CLCN7: variants seen among roughly 807,000 people sequenced by gnomAD.
CLCN7 encodes the protein H(+)/Cl(-) exchange transporter 7.
CLCN7 carries 60 observed loss-of-function variants against 102.1 expected under a neutral mutation model. The ratio of observed to expected loss-of-function variants is 0.59; its 90% CI spans 0.48 to 0.73. The LOEUF is 0.73. Ranked by LOEUF, CLCN7 falls within the 30% of genes least tolerant of loss-of-function variation. The pLI, the probability that CLCN7 is intolerant of heterozygous loss-of-function variation, is 0.00. For synonymous variants in CLCN7, 560 were observed against 490.5 expected (o/e 1.14, Z -1.87); for missense variants, 962 against 1,125.7 (o/e 0.85, Z 2.08).
Position 1,446,502 on chromosome 16 carries a change from C to A in CLCN7, c.*129G>T. 1 of 867,452 alleles carries A rather than the reference C, an allele frequency of 1.2e-6. No individual in the cohort carries two copies. Among genetic ancestry groups the A allele is most frequent in the Non-Finnish European group, 1.9e-6 (1 of 531,888 alleles). 53.7% of individuals were successfully genotyped at this position (867,452 alleles called of 1,614,324 possible). A position where few individuals can be genotyped will look rare whatever the true frequency, so the allele number is the denominator to read the frequency against. ...GTTCCGCGCCTGCCGCCTGCCCGCC[C>A]AGCTGCAGGGTGCTCGCCATTGCCA... On this transcript the variant is annotated 3_prime_UTR_variant, in exon 25 of 25. Transcript: ENST00000382745.
In CLCN7 at chr16:1,457,749, A is replaced by G. The variant is rs753953914; in HGVS notation, c.683T>C (p.Val228Ala). The G allele has an allele frequency of 1.9e-6, 3 of 1,613,884 alleles. No individual in the cohort carries two copies. The South Asian group carries it at 3.3e-5, about 18-fold the overall frequency. ...IPHVVRLKTL[V>A]IKVSGVILSV... ...CAGGATCACACCGGACACTTTGATCACCAACGTCTGAAACACAGGGAGACG... is the reference window on the plus strand; with the variant it reads ...CAGGATCACACCGGACACTTTGATCGCCAACGTCTGAAACACAGGGAGACG... The change falls in exon 8 of 25, where the codon GTG becomes GCG. Residue 228 changes from valine to alanine, a missense_variant. Val to Ala is a moderately conservative substitution (Grantham distance 64, BLOSUM62 0). Coordinates refer to ENST00000382745, the MANE Select transcript of CLCN7 (RefSeq NM_001287.6). This position sits in a 1 kb window ranked among gnomAD's most constrained non-coding sequence, Gnocchi z 5.4.
chr16:1,471,707 A>C (rs1296937626), intron 1 of CLCN7: 1 of 152,306 alleles, frequency 6.6e-6, no homozygotes, highest in African/African-American at 2.4e-5. Flanking sequence ...AAAACTGGGC[A>C]ACAGGGAGGC....
At chr16:1,458,758 G>T (rs555785607) in intron 7 of CLCN7, among the ~76,000 whole-genome samples, 1 of 152,216 alleles carries the variant, frequency 6.6e-6, no homozygotes, top group African/African-American at 2.4e-5. Flanking sequence ...AACTGAAAGC[G>T]GGAAACTGCT....
At chr16:1,456,472 A>C (rs2038837067) in intron 9 of CLCN7, among the ~76,000 whole-genome samples, 1 of 152,046 alleles carries the variant, frequency 6.6e-6, no homozygotes, top group Non-Finnish European at 1.5e-5. Flanking sequence ...AAAAACCTCT[A>C]CCCTCTAACG....
intron 1 of CLCN7, among the ~76,000 whole-genome samples, chr16:1,472,236 G>GT (rs1170349301): frequency 2.0e-5 from 3 of 152,176 alleles, no homozygotes; most frequent in Non-Finnish European, 4.4e-5. Flanking sequence ...TAAGGGAATA[G>GT]TTTTTTTATT....
At chr16:1,450,830 TG>T (rs2038737013) in intron 16 of CLCN7, among the ~76,000 whole-genome samples, 164 bp from the exon 17 acceptor site, 1 of 149,704 alleles carries the variant, frequency 6.7e-6, no homozygotes, top group Admixed American at 6.6e-5. Context: ...TCAGCCTCCC[TG>T]GGAAGCAGAA....
rs143293489 is a variant in CLCN7 at position 1,452,656 on chromosome 16, C to T, written c.1353+99G>A. 3.5e-3 allele frequency: 4,632 copies of T among 1,306,444 alleles called. 23 individuals carry two copies. The highest frequency in any genetic ancestry group is 5.1e-3 in the South Asian group (384 of 74,924). 80.9% of individuals were successfully genotyped at this position (1,306,444 alleles called of 1,614,324 possible). ...CAGCCCATGCGCTTCTGGAACTCGG[C>T]GGGGTGGGCAGCCCTCCTCCCGTAG... On this transcript the variant is annotated intron_variant, in intron 15 of 24. Coordinates refer to ENST00000382745, the MANE Select transcript of CLCN7 (RefSeq NM_001287.6).
Position 1,457,288 on chromosome 16 carries a change from TGA to T in CLCN7, c.786_787del (p.Gln263GlyfsTer101). ...TCGTTTCAGTGACGTTGACCTTCCCTGAGAGATCCCGGCGGCAATCACTGAAC... is the reference window on the plus strand; with the variant it reads ...TCGTTTCAGTGACGTTGACCTTCCCTGAGATCCCGGCGGCAATCACTGAAC... On this transcript the variant is annotated frameshift_variant, in exon 9 of 25. Transcript: ENST00000382745. LOFTEE classifies it high-confidence loss of function. The surrounding 1 kb of genome is among the most constrained non-coding windows in gnomAD (Gnocchi z 5.4). 6.2e-7 allele frequency: 1 copy of T among 1,614,058 alleles called. No homozygotes were observed. The highest frequency in any genetic ancestry group is 8.5e-7 in the Non-Finnish European group (1 of 1,180,028).
At chr16:1,449,219 T>A in intron 18 of CLCN7, 57 bp downstream of exon 18, 1 of 1,568,884 alleles carries the variant, frequency 6.4e-7, no homozygotes, top group South Asian at 1.2e-5. Flanking sequence ...AGGACAGCCA[T>A]GGCCCCCTCC....
At chr16:1,446,902 G>T in intron 24 of CLCN7, 104 bp downstream of exon 24, 2 of 1,216,924 alleles carry the variant, frequency 1.6e-6, no homozygotes, top group Non-Finnish European at 2.4e-6. Context: ...TCGGTGCTGG[G>T]TCCTGTGCTT....
At chr16:1,450,197 C>T in intron 17 of CLCN7, 2 of 456,386 alleles carry the variant, frequency 4.4e-6, no homozygotes, top group Non-Finnish European at 8.2e-6. Flanking sequence ...AACAGCTCTG[C>T]AGCAGCCCAC....
In CLCN7 at chr16:1,457,787, T is replaced by C. The variant is rs762605740; in HGVS notation, c.676-31A>G. On this transcript the variant is annotated intron_variant, in intron 7 of 24. Transcript: ENST00000382745. This position sits in a 1 kb window ranked among gnomAD's most constrained non-coding sequence, Gnocchi z 5.4. ...ACACAGGGAGACGCATGGCCTCTGA[T>C]GAAAAGGCAGGCGCTGTCTTTGGAC... 1.9e-6 allele frequency: 3 copies of C among 1,605,078 alleles called. No individual in the cohort carries two copies. The highest frequency in any genetic ancestry group is 2.6e-6 in the Non-Finnish European group (3 of 1,172,442).
In CLCN7 at chr16:1,460,517, C is replaced by G; in HGVS notation, c.495G>C (p.Lys165Asn). Reference protein sequence around the residue: ...KYRVIKGNIDKFTEKGGLSFS... With the variant: ...KYRVIKGNIDNFTEKGGLSFS... ...AGGACAGTCCGCCCTTCTCTGTGAA[C>G]TTGTCGATATCTGGGGCTCATCAAG... is the stretch of plus-strand genomic sequence containing the variant. The change falls in exon 6 of 25, where the codon AAG (lysine) becomes AAC (asparagine). Residue 165 changes from lysine to asparagine, a missense_variant. This residue lies in a region of CLCN7 where 799 missense variants were observed against 988.0 expected (regional missense o/e 0.81). Transcript: ENST00000382745. 1.2e-6 allele frequency: 2 copies of G among 1,613,192 alleles called. No individual in the cohort carries two copies. The highest frequency in any genetic ancestry group is 2.7e-5 in the African/African-American group (2 of 75,042).
intron 13 of CLCN7, 117 bp from the exon 14 acceptor site, chr16:1,454,011 G>A: frequency 4.3e-6 from 4 of 940,622 alleles, no homozygotes; most frequent in Non-Finnish European, 6.8e-6. Flanking sequence ...GGACGGCAGG[G>A]GGCTAGGGGG....
chr16:1,470,093 G>A (rs1156237655), intron 1 of CLCN7, among the ~76,000 whole-genome samples: 4 of 152,248 alleles, frequency 2.6e-5, no homozygotes, highest in African/African-American at 9.6e-5. Flanking sequence ...GTTTGGCAAG[G>A]AATGGGTTGT....
chr16:1,457,798 G>A lies in CLCN7; in HGVS notation c.676-42C>T. On this transcript the variant is annotated intron_variant, in intron 7 of 24. Transcript: ENST00000382745. This position sits in a 1 kb window ranked among gnomAD's most constrained non-coding sequence, Gnocchi z 5.4. The stretch of plus-strand genomic sequence containing the variant: ...CGCATGGCCTCTGATGAAAAGGCAG[G>A]CGCTGTCTTTGGACCTGAGCCGTAA... 6.3e-7 allele frequency: 1 copy of A among 1,588,666 alleles called. No homozygotes were observed. The highest frequency in any genetic ancestry group is 8.6e-7 in the Non-Finnish European group (1 of 1,157,424).
chr16:1,452,624 G>T, intron 15 of CLCN7, 131 bp downstream of exon 15: 3 of 969,012 alleles, frequency 3.1e-6, no homozygotes, highest in Non-Finnish European at 4.6e-6. Context: ...CCCTCTTTGA[G>T]ACACGCCAGC....
At chr16:1,473,624 C>T (rs548563034) in intron 1 of CLCN7, among the ~76,000 whole-genome samples, 1 of 151,200 alleles carries the variant, frequency 6.6e-6, no homozygotes, top group South Asian at 2.1e-4. Flanking sequence ...CCACCCGCCT[C>T]GGCCTCCCAA....
rs1453267071 is a variant in CLCN7 at position 1,446,554 on chromosome 16, G to C, written c.*77C>G. The C allele has an allele frequency of 7.4e-7, 1 of 1,346,246 alleles. No homozygotes were observed. Among genetic ancestry groups the C allele is most frequent in the Non-Finnish European group, 1.0e-6 (1 of 962,314 alleles). The allele number at this position is 1,346,246 out of a possible 1,614,324, so 83.4% of individuals were successfully genotyped here. ...TGCTGGGGAGCATGGTTTGGGCCGAGAAACCAGTGACTCCGGGAGGAAATG... is the reference window on the plus strand; with the variant it reads ...TGCTGGGGAGCATGGTTTGGGCCGACAAACCAGTGACTCCGGGAGGAAATG... On this transcript the variant is annotated 3_prime_UTR_variant, in exon 25 of 25. Transcript: ENST00000382745.
Sources: gnomAD v4.1 joint callset for allele counts (sites outside exome capture counted in the v4.1 genomes callset) on GRCh38, gnomAD v4.1.1 for gene constraint, gnomAD v4.1.1 regional missense constraint, Gnocchi (gnomAD v3.1) non-coding constraint, MANE v1.5 for transcripts, NCBI Gene and HGNC (gene_info 2026-07-23, HGNC 2026-07-21) for gene names.